The following SHISA6 variants were observed in gnomAD, a reference collection of about 807,000 sequenced individuals.
SHISA6 encodes shisa family member 6.
Under a neutral mutation model 47.9 loss-of-function variants are expected in SHISA6, and 22 were observed. The observed-to-expected ratio is 0.46, with a 90% confidence interval of 0.33 to 0.66. The LOEUF (loss-of-function observed/expected upper bound fraction) is 0.66, where lower values mean the gene tolerates loss of function less well. Among genes scored for constraint, SHISA6 ranks in the 30% least tolerant of loss-of-function variants. SHISA6 has a pLI of 0.02. For missense variants in SHISA6, 680 were observed against 764.6 expected (o/e 0.89, Z 1.30); for synonymous variants, 388 against 337.8 (o/e 1.15, Z -1.63).
chr17:11,321,542 T>C (rs1200787588), intron 2 of SHISA6, among the ~76,000 whole-genome samples: 1 of 152,244 alleles, frequency 6.6e-6, no homozygotes, highest in Admixed American at 6.5e-5. Context: ...TAGGTAGGTC[T>C]TGTTTTTGTA....
chr17:11,505,833 G>A (rs1263122791), intron 3 of SHISA6, among the ~76,000 whole-genome samples: 1 of 152,188 alleles, frequency 6.6e-6, no homozygotes, highest in African/African-American at 2.4e-5. Context: ...ACAACAATAG[G>A]ATAAAACCCT....
chr17:11,265,995 C>G (rs959752396), intron 2 of SHISA6, among the ~76,000 whole-genome samples: 2 of 152,210 alleles, frequency 1.3e-5, no homozygotes, highest in Admixed American at 1.3e-4. Flanking sequence ...GGAATAGTAT[C>G]CTGGCCCAGA....
intron 3 of SHISA6, among the ~76,000 whole-genome samples, chr17:11,398,957 ATT>A (rs35318288): frequency 0.019 from 2,801 of 146,122 alleles, 87 homozygotes; most frequent in African/African-American, 0.054. Flanking sequence ...TACCTAGGTT[ATT>A]TTTTTTTTTT....
At chr17:11,248,251 A>C (rs1907665923) in intron 1 of SHISA6, among the ~76,000 whole-genome samples, 1 of 152,190 alleles carries the variant, frequency 6.6e-6, no homozygotes, top group Non-Finnish European at 1.5e-5. Context: ...GTGAAACCAG[A>C]ACTTCTGAAA....
At chr17:11,247,366 A>G (rs898278853) in intron 1 of SHISA6, among the ~76,000 whole-genome samples, 2 of 152,140 alleles carry the variant, frequency 1.3e-5, no homozygotes, top group Admixed American at 6.5e-5. Flanking sequence ...TTCTAGTTCA[A>G]TTTCTATAGT....
chr17:11,533,587 A>ATTTT (rs3038696), intron 3 of SHISA6, among the ~76,000 whole-genome samples: 1,529 of 94,820 alleles, frequency 0.016, 24 homozygotes, highest in African/African-American at 0.025. Context: ...CCCTTTCATT[A>ATTTT]TTTTTTTTTT....
intron 5 of SHISA6, among the ~76,000 whole-genome samples, chr17:11,557,123 T>C (rs1337956720): frequency 2.0e-5 from 3 of 152,196 alleles, no homozygotes; most frequent in African/African-American, 4.8e-5. Context: ...TGGAGGCCCA[T>C]GTATTGGCTT....
intron 3 of SHISA6, among the ~76,000 whole-genome samples, chr17:11,483,736 T>C (rs1364318396): frequency 4.6e-5 from 7 of 152,154 alleles, no homozygotes; most frequent in African/African-American, 1.2e-4. Flanking sequence ...GGTGGGAGGA[T>C]TGCTTGAGGC....
chr17:11,364,523 A>T (rs1912383166), intron 2 of SHISA6, among the ~76,000 whole-genome samples: 1 of 152,126 alleles, frequency 6.6e-6, no homozygotes, highest in South Asian at 2.1e-4. Context: ...ATTTCACATA[A>T]TTTTTCACAT....
At position 11,557,928 on chromosome 17, in the gene SHISA6, G is replaced by A. The variant is rs1368022526; in HGVS notation, c.1280G>A (p.Arg427Gln). The A allele has an allele frequency of 1.0e-5, 16 of 1,551,454 alleles. No individual in the cohort carries two copies. The highest frequency in any genetic ancestry group is 2.4e-5 in the East Asian group (1 of 40,920). Reference sequence around the variant, plus strand: ...CAGGACAGGGTCCTGTCCCCGGATCGGGGCCTGCCAGATGAGTTCAGCATG... The same window carrying A: ...CAGGACAGGGTCCTGTCCCCGGATCAGGGCCTGCCAGATGAGTTCAGCATG... ...MSQDRVLSPD[R>Q]GLPDEFSMPY... The change falls in exon 6 of 6, where the codon CGG becomes CAG. Residue 427 changes from arginine (R) to glutamine (Q), a missense_variant. Transcript: ENST00000441885.
At chr17:11,469,264 T>C (rs747096919) in intron 3 of SHISA6, among the ~76,000 whole-genome samples, 5 of 151,988 alleles carry the variant, frequency 3.3e-5, no homozygotes, top group Non-Finnish European at 7.4e-5. Context: ...ACAAGGGTCC[T>C]TACAATAGGG....
rs569189638 is a variant in SHISA6 at position 11,439,413 on chromosome 17, T to A, written c.895+59904T>A. On this transcript the variant is annotated intron_variant, in intron 3 of 5. Coordinates refer to ENST00000441885, the MANE Select transcript of SHISA6 (RefSeq NM_207386.4). Reference sequence around the variant, plus strand: ...AAGCCATGCTGCTCAGATAGTAACATTGGAAAGCCTTAGCATGCAGCAGTG... The same window carrying A: ...AAGCCATGCTGCTCAGATAGTAACAATGGAAAGCCTTAGCATGCAGCAGTG... Among the ~76,000 whole-genome samples, 3 of 152,152 alleles carry A rather than the reference T, an allele frequency of 2.0e-5. No homozygotes were observed. In the East Asian group the frequency reaches 5.8e-4, roughly 29 times the overall value.
intron 2 of SHISA6, among the ~76,000 whole-genome samples, chr17:11,332,045 G>A (rs1287433231): frequency 7.8e-5 from 5 of 64,178 alleles, no homozygotes; most frequent in African/African-American, 1.2e-4. Context: ...CCTCCCCCTC[G>A]GACTCCCCCT....
intron 3 of SHISA6, among the ~76,000 whole-genome samples, chr17:11,502,722 G>A (rs1050277832): frequency 1.3e-5 from 2 of 152,168 alleles, no homozygotes; most frequent in Non-Finnish European, 2.9e-5. Flanking sequence ...GCGAGACTCC[G>A]TCTCAAAAAA....
rs978287854 is a variant in SHISA6, at chr17:11,300,154, A to C, written c.799+36628A>C. On this transcript the variant is annotated intron_variant, in intron 2 of 5. Coordinates refer to ENST00000441885, the MANE Select transcript of SHISA6 (RefSeq NM_207386.4). ...AGCAAGACTCCATCTTAAAACAAAA[A>C]AAAAAAAAAAAGAAAAACAAGAAAA... Among the ~76,000 whole-genome samples, 29 of 150,732 alleles carry C rather than the reference A, an allele frequency of 1.9e-4. 1 individual carries two copies. Among genetic ancestry groups the C allele is most frequent in the South Asian group, 8.3e-4 (4 of 4,796 alleles).
At chr17:11,337,898 C>T (rs1339704972) in intron 2 of SHISA6, among the ~76,000 whole-genome samples, 4 of 152,132 alleles carry the variant, frequency 2.6e-5, no homozygotes, top group South Asian at 2.1e-4. Flanking sequence ...CATTTGGCAA[C>T]GCTACTACAG....
intron 3 of SHISA6, among the ~76,000 whole-genome samples, chr17:11,381,970 T>C (rs1317368809): frequency 1.3e-5 from 2 of 152,202 alleles, no homozygotes; most frequent in Non-Finnish European, 2.9e-5. Flanking sequence ...TATTTCCCTA[T>C]TTAGAGAACA....
intron 2 of SHISA6, among the ~76,000 whole-genome samples, chr17:11,349,397 G>A (rs935618099): frequency 6.6e-6 from 1 of 152,206 alleles, no homozygotes; most frequent in African/African-American, 2.4e-5. Context: ...GTTGGTTTGG[G>A]AGTAAATACA....
chr17:11,445,268 C>T (rs951364372), intron 3 of SHISA6, among the ~76,000 whole-genome samples: 1 of 152,028 alleles, frequency 6.6e-6, no homozygotes. Flanking sequence ...TAATTACCCT[C>T]CAAAGGTCCC....
Sources: allele counts gnomAD v4.1 joint callset (sites outside exome capture counted in the v4.1 genomes callset), GRCh38; gene constraint gnomAD v4.1.1; transcripts MANE v1.5; gene names NCBI Gene and HGNC (gene_info 2026-07-23, HGNC 2026-07-21).